DLG2: variants seen among roughly 807,000 people sequenced by gnomAD.
DLG2 encodes disks large homolog 2.
Under a neutral mutation model 132.5 loss-of-function variants are expected in DLG2, and 45 were observed. The ratio of observed to expected loss-of-function variants is 0.34; its 90% CI spans 0.27 to 0.44. The LOEUF is 0.44. Among genes scored for constraint, DLG2 ranks in the 20% least tolerant of loss-of-function variants. The pLI, the probability that DLG2 is intolerant of heterozygous loss-of-function variation, is 1.00. For synonymous variants in DLG2, 424 were observed against 419.6 expected, an observed-to-expected ratio of 1.01 and a Z score of -0.13; for missense variants, 1,045 against 1,196.9, an observed-to-expected ratio of 0.87 and a Z score of 1.87.
At chr11:83,596,704 C>T (rs1594142970) in intron 19 of DLG2, among the ~76,000 whole-genome samples, 1 of 152,200 alleles carries the variant, frequency 6.6e-6, no homozygotes, top group African/African-American at 2.4e-5. Context: ...AAAATTCAGT[C>T]TGCAGTTTCC....
intron 6 of DLG2, chr11:84,955,632 C>G (rs545560307): frequency 1.4e-4 from 21 of 152,184 alleles, no homozygotes; most frequent in Non-Finnish European, 2.4e-4. Flanking sequence ...GAAAACAAGA[C>G]TATGATACAT....
chr11:84,939,676 T>G (rs1188422319), intron 6 of DLG2, among the ~76,000 whole-genome samples: 1 of 152,206 alleles, frequency 6.6e-6, no homozygotes, highest in East Asian at 1.9e-4. Flanking sequence ...CATGTGAAGT[T>G]TGTCTCTCTG....
At chr11:84,848,592 GTC>G (rs1199344149) in intron 6 of DLG2, among the ~76,000 whole-genome samples, 3 of 152,150 alleles carry the variant, frequency 2.0e-5, no homozygotes, top group East Asian at 3.9e-4. Context: ...ACCTATCCCT[GTC>G]TCACCATTTT....
At chr11:84,474,027 G>A (rs1377662516) in intron 7 of DLG2, among the ~76,000 whole-genome samples, 1 of 151,988 alleles carries the variant, frequency 6.6e-6, no homozygotes, top group Non-Finnish European at 1.5e-5. Flanking sequence ...CTGCCACAAT[G>A]AGCATGCAGT....
intron 6 of DLG2, among the ~76,000 whole-genome samples, chr11:84,767,255 G>A (rs1024147514): frequency 5.9e-5 from 9 of 151,856 alleles, no homozygotes; most frequent in African/African-American, 1.7e-4. Flanking sequence ...GTATTATGGT[G>A]GTCATAAAAC....
chr11:85,606,675 T>C (rs554883057), intron 2 of DLG2, among the ~76,000 whole-genome samples: 6 of 152,294 alleles, frequency 3.9e-5, no homozygotes, highest in African/African-American at 1.4e-4. Context: ...ACAATAAATC[T>C]TGCTGCTGCT....
At chr11:83,826,265 G>A (rs2052746682) in intron 17 of DLG2, among the ~76,000 whole-genome samples, 2 of 152,190 alleles carry the variant, frequency 1.3e-5, no homozygotes, top group South Asian at 4.1e-4. Flanking sequence ...CCACACTCTG[G>A]TGGCTGGGCC....
At chr11:84,913,893 T>C (rs1271264618) in intron 6 of DLG2, among the ~76,000 whole-genome samples, 1 of 152,164 alleles carries the variant, frequency 6.6e-6, no homozygotes, top group Non-Finnish European at 1.5e-5. Flanking sequence ...CAACTAAACA[T>C]CCAACACAAA....
chr11:84,822,420 A>T (rs2077810318), intron 6 of DLG2, among the ~76,000 whole-genome samples: 1 of 151,852 alleles, frequency 6.6e-6, no homozygotes, highest in Non-Finnish European at 1.5e-5. Flanking sequence ...TTAGATAAGG[A>T]TTGTGAAAGT....
intron 8 of DLG2, among the ~76,000 whole-genome samples, chr11:84,181,259 G>A (rs919058513): frequency 2.1e-4 from 32 of 151,972 alleles, no homozygotes; most frequent in Non-Finnish European, 2.5e-4. Flanking sequence ...TATTTGTGAA[G>A]TGGTGGAGTG....
chr11:83,714,064 T>C (rs146162210), intron 18 of DLG2, among the ~76,000 whole-genome samples: 4 of 152,284 alleles, frequency 2.6e-5, no homozygotes, highest in Non-Finnish European at 5.9e-5. Context: ...GTCACATACA[T>C]AAAACAACTT....
intron 6 of DLG2, among the ~76,000 whole-genome samples, chr11:84,694,339 C>T (rs961633307): frequency 4.6e-5 from 7 of 151,554 alleles, no homozygotes; most frequent in African/African-American, 9.7e-5. Context: ...AGCACTTGAA[C>T]GAATCAGTTT....
intron 7 of DLG2, among the ~76,000 whole-genome samples, chr11:84,390,273 T>C (rs2098787899): frequency 6.6e-6 from 1 of 152,190 alleles, no homozygotes; most frequent in South Asian, 2.1e-4. Context: ...TGAGTTCCCC[T>C]GATAATAGAG....
chr11:85,145,039 T>C (rs2076749119), intron 5 of DLG2, among the ~76,000 whole-genome samples: 1 of 152,146 alleles, frequency 6.6e-6, no homozygotes, highest in African/African-American at 2.4e-5. Flanking sequence ...GTTATTTGAC[T>C]TGTAAAGTTT....
chr11:85,026,780 T>G (rs2060559243), intron 6 of DLG2, among the ~76,000 whole-genome samples: 1 of 151,960 alleles, frequency 6.6e-6, no homozygotes, highest in African/African-American at 2.4e-5. Context: ...GAGCTTACAG[T>G]GAGTTGAGAT....
intron 6 of DLG2, among the ~76,000 whole-genome samples, chr11:84,980,994 C>T (rs1440126380): frequency 1.3e-5 from 2 of 152,208 alleles, no homozygotes; most frequent in South Asian, 2.1e-4. Flanking sequence ...TCTATCACAG[C>T]GTTCACCACA....
chr11:84,203,095 G>A (rs557746787), intron 8 of DLG2, among the ~76,000 whole-genome samples: 45 of 150,936 alleles, frequency 3.0e-4, no homozygotes, highest in African/African-American at 9.2e-4. Context: ...CCATTTGACC[G>A]AACAATCCCA....
At chr11:84,073,433 T>A (rs541539747) in intron 10 of DLG2, among the ~76,000 whole-genome samples, 1 of 152,106 alleles carries the variant, frequency 6.6e-6, no homozygotes, top group South Asian at 2.1e-4. Context: ...AGTTGAGAGA[T>A]ATATGTAATC....
intron 7 of DLG2, among the ~76,000 whole-genome samples, chr11:84,427,742 G>A (rs2098971725): frequency 6.6e-6 from 1 of 151,950 alleles, no homozygotes; most frequent in Admixed American, 6.6e-5. Flanking sequence ...CCCCTCCCAT[G>A]CTAGGGAATC....
Sources: gnomAD v4.1 joint callset for allele counts (sites outside exome capture counted in the v4.1 genomes callset) on GRCh38, gnomAD v4.1.1 for gene constraint, MANE v1.5 for transcripts, NCBI Gene and HGNC (gene_info 2026-07-23, HGNC 2026-07-21) for gene names.